Variants in CYP7B1 observed in about 807,000 individuals in gnomAD.
CYP7B1 encodes cytochrome P450 7B1.
Under a neutral mutation model 42.7 loss-of-function variants are expected in CYP7B1, and 29 were observed. The observed-to-expected ratio is 0.68, with a 90% CI of 0.51 to 0.93. CYP7B1 has a LOEUF of 0.93. Ranked by LOEUF, CYP7B1 falls within the 40% of genes least tolerant of loss-of-function variation. The pLI, the probability that CYP7B1 is intolerant of heterozygous loss-of-function variation, is 0.00. For missense variants in CYP7B1, 655 were observed against 600.5 expected, an observed-to-expected ratio of 1.09 and a Z score of -0.95; for synonymous variants, 235 against 218.2, an observed-to-expected ratio of 1.08 and a Z score of -0.68.
At chr8:64,735,336 C>G (rs1460990222) in intron 1 of CYP7B1, among the ~76,000 whole-genome samples, 1 of 152,094 alleles carries the variant, frequency 6.6e-6, no homozygotes, top group African/African-American at 2.4e-5. Flanking sequence ...AGAAGTTACC[C>G]TTTTGTAAGA....
Position 64,695,030 on chromosome 8 carries a change from AG to A in CYP7B1, c.123-70492del, listed in dbSNP as rs1806803280. 3.9e-5 allele frequency among the ~76,000 whole-genome samples: 6 copies of A among 152,256 alleles called. 1 individual carries two copies. The South Asian group carries it at 1.2e-3, about 32-fold the overall frequency. On this transcript the variant is annotated intron_variant, in intron 1 of 5. Transcript: ENST00000310193. ...AGATAAGACATTTAAGCAAAACTCA[AG>A]GGTCCTGTTGAAAATCTGAAATTCA...
Position 64,623,552 on chromosome 8 carries a change from C to G in CYP7B1, c.259+851G>C, listed in dbSNP as rs894673707. On this transcript the variant is annotated intron_variant, in intron 2 of 5. Coordinates refer to ENST00000310193, the MANE Select transcript of CYP7B1 (RefSeq NM_004820.5). ...GTTACTCAGCAATCAATAGCTGATACAGCTACATAGTTTGGGTCTTAAAAA... is the reference window on the plus strand; with the variant it reads ...GTTACTCAGCAATCAATAGCTGATAGAGCTACATAGTTTGGGTCTTAAAAA... Among the ~76,000 whole-genome samples, 15 of 152,288 alleles carry G rather than the reference C, an allele frequency of 9.8e-5. 1 individual carries two copies. Among genetic ancestry groups the G allele is most frequent in the Admixed American group, 9.2e-4 (14 of 15,296 alleles).
intron 1 of CYP7B1, among the ~76,000 whole-genome samples, chr8:64,670,143 C>T (rs1203098491): frequency 6.6e-6 from 1 of 152,196 alleles, no homozygotes; most frequent in African/African-American, 2.4e-5. Flanking sequence ...TGCCCTGTTG[C>T]CCTGTACCAC....
At chr8:64,587,142 G>A (rs1804978789), downstream of CYP7B1, among the ~76,000 whole-genome samples, 1 of 152,236 alleles carries the variant, frequency 6.6e-6, no homozygotes. Context: ...GAGGAAAGGA[G>A]CCGCCTTCCA....
intron 1 of CYP7B1, among the ~76,000 whole-genome samples, chr8:64,644,725 T>C (rs563278246): frequency 1.2e-3 from 179 of 152,306 alleles, no homozygotes; most frequent in African/African-American, 4.0e-3. Context: ...CATCATTTCA[T>C]TTATCGTGCA....
chr8:64,629,956 C>G (rs77035075), intron 1 of CYP7B1, among the ~76,000 whole-genome samples: 2 of 152,004 alleles, frequency 1.3e-5, no homozygotes, highest in Non-Finnish European at 2.9e-5. Flanking sequence ...CTGGTGGGGA[C>G]AAGGAAGCAC....
At chr8:64,703,006 TA>T (rs1806940584) in intron 1 of CYP7B1, among the ~76,000 whole-genome samples, 2 of 149,646 alleles carry the variant, frequency 1.3e-5, no homozygotes, top group Admixed American at 6.6e-5. Flanking sequence ...TTTATACATC[TA>T]TATTTTTTTT....
intron 1 of CYP7B1, among the ~76,000 whole-genome samples, chr8:64,781,202 C>A (rs1804417206): frequency 6.6e-6 from 1 of 152,060 alleles, no homozygotes; most frequent in South Asian, 2.1e-4. Flanking sequence ...TCATAAGTAA[C>A]CAGCAAAGTC....
intron 1 of CYP7B1, among the ~76,000 whole-genome samples, chr8:64,637,578 G>A (rs530190222): frequency 2.5e-4 from 38 of 152,098 alleles, no homozygotes; most frequent in Non-Finnish European, 5.0e-4. Context: ...GGACATAGAA[G>A]GCACAGCATC....
At chr8:64,731,228 G>A (rs1336309380) in intron 1 of CYP7B1, among the ~76,000 whole-genome samples, 1 of 152,174 alleles carries the variant, frequency 6.6e-6, no homozygotes, top group African/African-American at 2.4e-5. Flanking sequence ...TTGGAACTGG[G>A]TAACAGGCAG....
At chr8:64,673,831 A>G (rs1806403102) in intron 1 of CYP7B1, among the ~76,000 whole-genome samples, 2 of 152,102 alleles carry the variant, frequency 1.3e-5, no homozygotes, top group South Asian at 4.1e-4. Context: ...AGCAAATGTA[A>G]CCATTGCCGC....
chr8:64,788,856 C>T (rs1202128551), intron 1 of CYP7B1, among the ~76,000 whole-genome samples: 2 of 152,156 alleles, frequency 1.3e-5, no homozygotes, highest in African/African-American at 4.8e-5. Context: ...GTTGCAGTTT[C>T]CACCCAAGAA....
At chr8:64,789,906 G>C (rs984813686) in intron 1 of CYP7B1, among the ~76,000 whole-genome samples, 2 of 152,176 alleles carry the variant, frequency 1.3e-5, no homozygotes, top group African/African-American at 4.8e-5. Context: ...AGATGTCAAA[G>C]ACTGAACTCA....
In CYP7B1 at chr8:64,798,604, C is replaced by A. The variant is rs1029259043; in HGVS notation, c.-17G>T. 19 of 1,454,272 alleles carry A rather than the reference C, an allele frequency of 1.3e-5. No homozygotes were observed. In the African/African-American group the frequency reaches 1.3e-4, roughly 10 times the overall value. 90.1% of individuals were successfully genotyped at this position (1,454,272 alleles called of 1,614,324 possible). A position where few individuals can be genotyped will look rare whatever the true frequency, so the allele number is the denominator to read the frequency against. On this transcript the variant is annotated 5_prime_UTR_variant, in exon 1 of 6. Transcript: ENST00000310193. ...TCCTGCCATCCGGCGCGCGCTAGGC[C>A]GCGGTGGGCAGCCCGGGGTCTGCCT...
intron 1 of CYP7B1, among the ~76,000 whole-genome samples, chr8:64,772,250 A>G (rs999178906): frequency 6.6e-6 from 1 of 152,168 alleles, no homozygotes; most frequent in Non-Finnish European, 1.5e-5. Context: ...CTTGGCATAT[A>G]TTCATCCATT....
intron 1 of CYP7B1, among the ~76,000 whole-genome samples, chr8:64,681,357 G>T (rs1806535349): frequency 6.6e-6 from 1 of 152,154 alleles, no homozygotes; most frequent in Non-Finnish European, 1.5e-5. Context: ...AAGTTGAAAA[G>T]ACAGGTGTGC....
chr8:64,742,476 T>G (rs1418825820), intron 1 of CYP7B1, among the ~76,000 whole-genome samples: 1 of 152,196 alleles, frequency 6.6e-6, no homozygotes, highest in African/African-American at 2.4e-5. Flanking sequence ...CTGTAAAATG[T>G]TATATTAGAA....
chr8:64,787,949 G>A (rs1208293136), intron 1 of CYP7B1, among the ~76,000 whole-genome samples: 2 of 152,194 alleles, frequency 1.3e-5, no homozygotes, highest in Non-Finnish European at 2.9e-5. Flanking sequence ...CAGATGCTTA[G>A]AAAACTATCA....
chr8:64,638,675 G>C (rs2129630921), intron 1 of CYP7B1, among the ~76,000 whole-genome samples: 1 of 152,138 alleles, frequency 6.6e-6, no homozygotes, highest in South Asian at 2.1e-4. Context: ...ACAATTCCAG[G>C]GTGGAGTAAG....
Sources: gnomAD v4.1 joint callset for allele counts (sites outside exome capture counted in the v4.1 genomes callset) on GRCh38, gnomAD v4.1.1 for gene constraint, MANE v1.5 for transcripts, NCBI Gene and HGNC (gene_info 2026-07-23, HGNC 2026-07-21) for gene names.